ATP6V0A4: variants seen among roughly 807,000 people sequenced by gnomAD.
The protein encoded by ATP6V0A4 is V-type proton ATPase 116 kDa subunit a 4.
A neutral mutation model predicts 107.3 loss-of-function variants in ATP6V0A4; 86 were observed. That is an observed-to-expected ratio of 0.80 (90% CI 0.67 to 0.96). The LOEUF (loss-of-function observed/expected upper bound fraction) is 0.96, where lower values mean the gene tolerates loss of function less well. Ranked by LOEUF, ATP6V0A4 falls within the 40% of genes least tolerant of loss-of-function variation. ATP6V0A4 has a pLI of 0.00. For missense variants in ATP6V0A4, 908 were observed against 1,045.6 expected (o/e 0.87, Z 1.81); for synonymous variants, 353 against 381.4 (o/e 0.93, Z 0.87).
At chr7:138,785,843 G>A (rs532399554) in intron 2 of ATP6V0A4, among the ~76,000 whole-genome samples, 2 of 152,228 alleles carry the variant, frequency 1.3e-5, no homozygotes, top group South Asian at 4.2e-4. Flanking sequence ...TCAAATCTAC[G>A]GATGCTGGAA....
chr7:138,755,905 T>C, intron 9 of ATP6V0A4, 123 bp from the exon 10 acceptor site: 1 of 1,521,466 alleles, frequency 6.6e-7, no homozygotes, highest in Non-Finnish European at 8.8e-7. Flanking sequence ...CTAGAATAAC[T>C]GCGTCTTTGG....
intron 1 of ATP6V0A4, among the ~76,000 whole-genome samples, chr7:138,796,402 C>G (rs1808663989): frequency 6.6e-6 from 1 of 152,148 alleles, no homozygotes; most frequent in East Asian, 1.9e-4. Flanking sequence ...AAGTGCCTCC[C>G]CTGGGCTGTT....
intron 1 of ATP6V0A4, among the ~76,000 whole-genome samples, chr7:138,795,514 A>C (rs1267667511): frequency 6.6e-6 from 1 of 152,242 alleles, no homozygotes; most frequent in Non-Finnish European, 1.5e-5. Context: ...GGCTCTGCTC[A>C]CGTCAAACAC....
At chr7:138,745,023 CCT>C in intron 14 of ATP6V0A4, 98 bp downstream of exon 14, 1 of 1,126,278 alleles carries the variant, frequency 8.9e-7, no homozygotes. Context: ...TTCAAGTGCA[CCT>C]CTGAGTAGAC....
chr7:138,708,145 G>A (rs1008352852), intron 21 of ATP6V0A4, among the ~76,000 whole-genome samples: 4 of 151,662 alleles, frequency 2.6e-5, no homozygotes, highest in South Asian at 2.1e-4. Context: ...TCCACCTCCC[G>A]GGTTCCAGCC....
intron 11 of ATP6V0A4, among the ~76,000 whole-genome samples, chr7:138,750,432 C>T (rs1013175981): frequency 6.6e-6 from 1 of 152,074 alleles, no homozygotes; most frequent in African/African-American, 2.4e-5. Context: ...TCTTGAACTC[C>T]TAGGCTCAAA....
At chr7:138,728,912 C>T in intron 17 of ATP6V0A4, 50 bp from the exon 18 acceptor site, 3 of 1,613,062 alleles carry the variant, frequency 1.9e-6, no homozygotes, top group South Asian at 2.2e-5. Context: ...GGCAGAACAG[C>T]ACACTTTACG....
Position 138,784,267 on chromosome 7 carries a change from CAT to C in ATP6V0A4, c.-18+1889_-18+1890del, listed in dbSNP as rs60959857. Among the ~76,000 whole-genome samples, 328 of 119,280 alleles carry C rather than the reference CAT, an allele frequency of 2.7e-3. 4 individuals are homozygous for C. Among genetic ancestry groups the C allele is most frequent in the East Asian group, 4.0e-3 (18 of 4,454 alleles). The allele number at this position is 119,280 out of a possible 152,430, so 78.3% of individuals were successfully genotyped here. ...ATATATATATACATATATATATATACATATATATATATACATATATATACACA... is the reference window on the plus strand; with the variant it reads ...ATATATATATACATATATATATATACATATATATATACATATATATACACA... On this transcript the variant is annotated intron_variant, in intron 2 of 21. Coordinates refer to ENST00000310018, the MANE Select transcript of ATP6V0A4 (RefSeq NM_020632.3).
At chr7:138,736,466 A>G (rs1321406629) in intron 15 of ATP6V0A4, among the ~76,000 whole-genome samples, 2 of 152,196 alleles carry the variant, frequency 1.3e-5, no homozygotes, top group Non-Finnish European at 2.9e-5. Context: ...ATATTCAAGG[A>G]GCATTTACCA....
chr7:138,749,048 A>T, intron 12 of ATP6V0A4, 119 bp downstream of exon 12: 1 of 1,321,868 alleles, frequency 7.6e-7, no homozygotes, highest in South Asian at 1.2e-5. Context: ...TCCCACAGCT[A>T]CTACCCTAGC....
intron 4 of ATP6V0A4, 139 bp from the exon 5 acceptor site, chr7:138,769,013 C>G (rs1807231716): frequency 6.4e-7 from 1 of 1,565,204 alleles, no homozygotes; most frequent in Admixed American, 1.9e-5. Context: ...CACCTGGATC[C>G]CACCCCCAAC....
chr7:138,740,890 C>T (rs975634054), intron 14 of ATP6V0A4, among the ~76,000 whole-genome samples: 4 of 151,438 alleles, frequency 2.6e-5, no homozygotes, highest in South Asian at 2.1e-4. Context: ...TGCTTGTAAT[C>T]CCAGCACTTT....
intron 20 of ATP6V0A4, among the ~76,000 whole-genome samples, chr7:138,715,025 T>A (rs546933385): frequency 9.2e-5 from 14 of 151,952 alleles, no homozygotes; most frequent in Non-Finnish European, 1.6e-4. Context: ...GAAGCAGAGG[T>A]TGAAGTGATG....
intron 20 of ATP6V0A4, among the ~76,000 whole-genome samples, chr7:138,712,349 G>A (rs6467792): frequency 0.14 from 21,148 of 152,132 alleles, 2,261 homozygotes; most frequent in African/African-American, 0.29. Flanking sequence ...CCAGGGATGG[G>A]TCTAAATAAG....
chr7:138,729,675 C>T (rs925233165), intron 17 of ATP6V0A4, among the ~76,000 whole-genome samples: 1 of 152,216 alleles, frequency 6.6e-6, no homozygotes, highest in Non-Finnish European at 1.5e-5. Flanking sequence ...AAGAACCAGC[C>T]AGCCTCGGAA....
chr7:138,797,553 A>C (rs1808742110), intron 1 of ATP6V0A4, among the ~76,000 whole-genome samples: 1 of 151,916 alleles, frequency 6.6e-6, no homozygotes, highest in Non-Finnish European at 1.5e-5. Context: ...TCCCATCAGC[A>C]GATGTGGCCT....
Position 138,749,320 on chromosome 7 carries a change from G to GT in ATP6V0A4, c.1030-4_1030-3insA. The GT allele has an allele frequency of 6.8e-7, 1 of 1,470,914 alleles. No individual in the cohort carries two copies. 91.1% of individuals were successfully genotyped at this position (1,470,914 alleles called of 1,614,324 possible). A position where few individuals can be genotyped will look rare whatever the true frequency, so the allele number is the denominator to read the frequency against. ...GCCATGGAGGAGCCACTTAGTTCCTGGAAAAAAAAAAAAAAGCGACAAAGA... is the reference window on the plus strand; with the variant it reads ...GCCATGGAGGAGCCACTTAGTTCCTGTGAAAAAAAAAAAAAAGCGACAAAGA... On this transcript the variant is annotated splice_polypyrimidine_tract_variant and splice_region_variant and intron_variant, in intron 11 of 21. Coordinates refer to ENST00000310018, the MANE Select transcript of ATP6V0A4 (RefSeq NM_020632.3).
chr7:138,729,835 T>C (rs565849819), intron 17 of ATP6V0A4, among the ~76,000 whole-genome samples: 2 of 152,322 alleles, frequency 1.3e-5, no homozygotes, highest in African/African-American at 4.8e-5. Flanking sequence ...TGTAACAAGA[T>C]TCCCCCTGAT....
At position 138,706,515 on chromosome 7, in the gene ATP6V0A4, G is replaced by A; in HGVS notation, c.*109C>T. On this transcript the variant is annotated 3_prime_UTR_variant, in exon 22 of 22. Coordinates refer to ENST00000310018, the MANE Select transcript of ATP6V0A4 (RefSeq NM_020632.3). ...TAATACACAGTTTCATGCTTCAGGT[G>A]AGCCAAGAACAACCTTCCCATTGAG... 1 of 1,311,656 alleles carries A rather than the reference G, an allele frequency of 7.6e-7. No homozygotes were observed. Among genetic ancestry groups the A allele is most frequent in the East Asian group, 2.5e-5 (1 of 40,796 alleles). The allele number at this position is 1,311,656 out of a possible 1,614,324, so 81.3% of individuals were successfully genotyped here.
Sources: gnomAD v4.1 joint callset for allele counts (sites outside exome capture counted in the v4.1 genomes callset) on GRCh38, gnomAD v4.1.1 for gene constraint, MANE v1.5 for transcripts, NCBI Gene and HGNC (gene_info 2026-07-23, HGNC 2026-07-21) for gene names.